MAFF: variants seen among roughly 807,000 people sequenced by gnomAD.
MAFF encodes the protein MAF bZIP transcription factor F.
In MAFF, 4 loss-of-function variants were observed where a neutral mutation model predicts 2.7. That is an observed-to-expected ratio of 1.48 (90% CI 0.73 to 3.39). The LOEUF (loss-of-function observed/expected upper bound fraction) is 3.39, where lower values mean the gene tolerates loss of function less well. MAFF is among the 30% of genes most tolerant of loss of function. The pLI, the probability that MAFF is intolerant of heterozygous loss-of-function variation, is 0.01. For missense variants in MAFF, 190 were observed against 246.6 expected (o/e 0.77, Z 1.54); for synonymous variants, 113 against 119.4 (o/e 0.95, Z 0.35).
chr22:38,203,111 CCA>C (rs1482527057), intron 1 of MAFF: 1 of 152,350 alleles, frequency 6.6e-6, no homozygotes, highest in Non-Finnish European at 1.5e-5. Flanking sequence ...GTTCTTGTCC[CCA>C]GATTTTGGGG....
rs539116866 is a variant in MAFF, at chr22:38,206,638, C to T, written c.-32+4426C>T. On this transcript the variant is annotated intron_variant, in intron 1 of 2. Coordinates refer to ENST00000338483, the MANE Select transcript of MAFF (RefSeq NM_012323.4). ...AAGTGCTGGGATTACAGGCGTGAGC[C>T]ACCACGCCTGGCCTTGCCTAAGCCT... Among the ~76,000 whole-genome samples, 108 of 152,248 alleles carry T rather than the reference C, an allele frequency of 7.1e-4. No individual in the cohort carries two copies. In the Middle Eastern group the frequency reaches 0.01, roughly 14 times the overall value.
intron 1 of MAFF, among the ~76,000 whole-genome samples, chr22:38,210,389 C>G (rs552615934): frequency 6.6e-6 from 1 of 152,298 alleles, no homozygotes; most frequent in East Asian, 1.9e-4. Flanking sequence ...CTGTCCCCAC[C>G]TTGGCCTGAG....
intron 1 of MAFF, among the ~76,000 whole-genome samples, chr22:38,207,834 T>C (rs1370503575): frequency 1.3e-5 from 2 of 152,146 alleles, no homozygotes; most frequent in Admixed American, 6.5e-5. Flanking sequence ...AGGCCTGAAT[T>C]CTACCCCATG....
Position 38,203,282 on chromosome 22 carries a change from G to C in MAFF, c.-32+1070G>C, listed in dbSNP as rs187472609. On this transcript the variant is annotated intron_variant, in intron 1 of 2. Transcript: ENST00000338483. ...TTAGCTAGTCCGGGTTCTGGAGGCT[G>C]TACCTGCTAGGTCGTGGAGGATGGG... The C allele has an allele frequency of 3.0e-4, 46 of 152,760 alleles. 1 individual carries two copies. Among genetic ancestry groups the C allele is most frequent in the African/African-American group, 1.1e-3 (45 of 41,602 alleles). 9.5% of individuals were successfully genotyped at this position (152,760 alleles called of 1,614,324 possible).
At chr22:38,205,901 TC>T (rs1298587205) in intron 1 of MAFF, among the ~76,000 whole-genome samples, 2 of 152,042 alleles carry the variant, frequency 1.3e-5, no homozygotes, top group Non-Finnish European at 2.9e-5. Flanking sequence ...ACCAGAAAGT[TC>T]CCCCTTCTTG....
At chr22:38,210,326 C>A (rs1414654762) in intron 1 of MAFF, among the ~76,000 whole-genome samples, 1 of 152,176 alleles carries the variant, frequency 6.6e-6, no homozygotes, top group Non-Finnish European at 1.5e-5. Context: ...GCTGCCAGAC[C>A]CCCTGACTGT....
chr22:38,214,472 T>C lies in MAFF; in HGVS notation c.89T>C (p.Met30Thr). 1 of 1,609,498 alleles carries C rather than the reference T, an allele frequency of 6.2e-7. No homozygotes were observed. The highest frequency in any genetic ancestry group is 1.1e-5 in the South Asian group (1 of 90,902). Residue 30 changes from methionine to threonine, a missense_variant, in exon 3 of 3, where the codon ATG (methionine) becomes ACG (threonine). Transcript: ENST00000338483. This position sits in a 1 kb window ranked among gnomAD's most constrained non-coding sequence, Gnocchi z 6.3. Reference sequence around the variant, plus strand: ...CCGCACCTGTCGGACGAGGCGCTGATGGGGCTGTCGGTGCGCGAGCTGAAC... The same window carrying C: ...CCGCACCTGTCGGACGAGGCGCTGACGGGGCTGTCGGTGCGCGAGCTGAAC... ...NTPHLSDEAL[M>T]GLSVRELNRH...
At chr22:38,205,943 G>A (rs1021552976) in intron 1 of MAFF, among the ~76,000 whole-genome samples, 13 of 152,224 alleles carry the variant, frequency 8.5e-5, no homozygotes, top group Admixed American at 2.6e-4. Flanking sequence ...CCTGACTGCT[G>A]AGCTAGGACA....
At chr22:38,208,231 C>T (rs1266043766) in intron 1 of MAFF, among the ~76,000 whole-genome samples, 1 of 152,232 alleles carries the variant, frequency 6.6e-6, no homozygotes, top group Non-Finnish European at 1.5e-5. Flanking sequence ...TCCACCAAAA[C>T]CCTGCGAGGC....
intron 1 of MAFF, among the ~76,000 whole-genome samples, chr22:38,210,633 T>TGTGTGTGTGA (rs2091092092): frequency 6.7e-6 from 1 of 150,070 alleles, no homozygotes. Context: ...AGTGTGTGTG[T>TGTGTGTGTGA]GTGTGTGTGT....
intron 1 of MAFF, among the ~76,000 whole-genome samples, chr22:38,212,970 T>C (rs1238201596): frequency 6.6e-6 from 1 of 152,002 alleles, no homozygotes; most frequent in Non-Finnish European, 1.5e-5. Context: ...AAAACCAGCC[T>C]GGCCAACATG....
chr22:38,210,402 A>G (rs953413199), intron 1 of MAFF, among the ~76,000 whole-genome samples: 6 of 152,162 alleles, frequency 3.9e-5, no homozygotes. Flanking sequence ...GGCCTGAGTC[A>G]CACTGAGAAC....
chr22:38,207,305 TAC>T (rs1328855693), intron 1 of MAFF, among the ~76,000 whole-genome samples: 1 of 151,474 alleles, frequency 6.6e-6, no homozygotes, highest in Non-Finnish European at 1.5e-5. Context: ...GTATTTTTAG[TAC>T]AGACAGGGTT....
chr22:38,216,374 C>CA lies in MAFF; in HGVS notation c.*1505dup, dbSNP rs1035512421. The CA allele has an allele frequency of 1.0e-4, 17 of 164,556 alleles. No individual in the cohort carries two copies. The highest frequency in any genetic ancestry group is 6.6e-5 in the Admixed American group (1 of 15,164). 10.2% of individuals were successfully genotyped at this position (164,556 alleles called of 1,614,324 possible). On this transcript the variant is annotated 3_prime_UTR_variant, in exon 3 of 3. Coordinates refer to ENST00000338483, the MANE Select transcript of MAFF (RefSeq NM_012323.4). Reference sequence around the variant, plus strand: ...TGGGCAACATAGCAAAATCCTGTCTCAAAAAAAAAGTTAAAAAATATTGCC... The same window carrying CA: ...TGGGCAACATAGCAAAATCCTGTCTCAAAAAAAAAAGTTAAAAAATATTGCC...
In MAFF at chr22:38,214,888, C is replaced by T. The variant is rs766574334; in HGVS notation, c.*10C>T. The T allele has an allele frequency of 2.2e-5, 34 of 1,513,296 alleles. No homozygotes were observed. The highest frequency in any genetic ancestry group is 2.9e-5 in the Non-Finnish European group (33 of 1,126,200). 93.7% of individuals were successfully genotyped at this position (1,513,296 alleles called of 1,614,324 possible). A position where few individuals can be genotyped will look rare whatever the true frequency, so the allele number is the denominator to read the frequency against. On this transcript the variant is annotated 3_prime_UTR_variant, in exon 3 of 3. Coordinates refer to ENST00000338483, the MANE Select transcript of MAFF (RefSeq NM_012323.4). This position sits in a 1 kb window ranked among gnomAD's most constrained non-coding sequence, Gnocchi z 6.3. ...GGCCTCCTGCTCCTAGTGCCCGCCC[C>T]CGCCATGCCTCAGCCACGCCCCTCC... is the stretch of plus-strand genomic sequence containing the variant.
intron 1 of MAFF, among the ~76,000 whole-genome samples, chr22:38,208,193 C>G (rs2091068137): frequency 6.6e-6 from 1 of 152,232 alleles, no homozygotes; most frequent in South Asian, 2.1e-4. Flanking sequence ...CAGCTGCTCA[C>G]TGACCTCTAC....
intron 1 of MAFF, among the ~76,000 whole-genome samples, chr22:38,211,191 T>C (rs2091097366): frequency 6.7e-6 from 1 of 150,024 alleles, no homozygotes; most frequent in South Asian, 2.1e-4. Context: ...GGAAGCCAAG[T>C]AGGGCTGAGG....
intron 1 of MAFF, among the ~76,000 whole-genome samples, chr22:38,212,116 C>T (rs191560482): frequency 6.6e-6 from 1 of 152,288 alleles, no homozygotes; most frequent in East Asian, 1.9e-4. Context: ...TCTCCTGCCT[C>T]AGCCTCTCAA....
chr22:38,210,637 T>TGC (rs2091092127), intron 1 of MAFF, among the ~76,000 whole-genome samples: 1 of 150,628 alleles, frequency 6.6e-6, no homozygotes, highest in African/African-American at 2.4e-5. Context: ...TGTGTGTGTG[T>TGC]GTGTGTGTGT....
Sources: gnomAD v4.1 joint callset for allele counts (sites outside exome capture counted in the v4.1 genomes callset) on GRCh38, gnomAD v4.1.1 for gene constraint, Gnocchi (gnomAD v3.1) non-coding constraint, MANE v1.5 for transcripts, NCBI Gene and HGNC (gene_info 2026-07-23, HGNC 2026-07-21) for gene names.